Variants in R3HDM4 observed in about 807,000 individuals in gnomAD.
The protein encoded by R3HDM4 is R3H domain-containing protein 4.
Under a neutral mutation model 31.3 loss-of-function variants are expected in R3HDM4, and 30 were observed. That is an observed-to-expected ratio of 0.96 (90% CI 0.72 to 1.30). The LOEUF is 1.30. Ranked by LOEUF, R3HDM4 falls within the 50% of genes most tolerant of loss-of-function variation. The pLI is 0.00. For synonymous variants in R3HDM4, 196 were observed against 156.6 expected, an observed-to-expected ratio of 1.25 and a Z score of -1.88; for missense variants, 444 against 366.1, an observed-to-expected ratio of 1.21 and a Z score of -1.74.
At position 902,017 on chromosome 19, in the gene R3HDM4, G is replaced by T; in HGVS notation, c.185C>A (p.Pro62His). The change falls in exon 2 of 8, where the codon CCC becomes CAC. Residue 62 changes from proline (P) to histidine (H), a missense_variant. Pro to His is a moderately conservative substitution (Grantham distance 77). Transcript: ENST00000361574. ...NQAVRNSDLVPKAKGRKSLQR... is the reference protein window; with the variant it reads ...NQAVRNSDLVHKAKGRKSLQR... ...GAGGCTCTTCCGCCCCTTGGCCTTGGGCACGAGGTCTGAGTTCCGCACTGC... is the reference window on the plus strand; with the variant it reads ...GAGGCTCTTCCGCCCCTTGGCCTTGTGCACGAGGTCTGAGTTCCGCACTGC... 6 of 1,613,906 alleles carry T rather than the reference G, an allele frequency of 3.7e-6. No individual in the cohort carries two copies. Among genetic ancestry groups the T allele is most frequent in the Non-Finnish European group, 5.1e-6 (6 of 1,180,010 alleles).
In R3HDM4 at chr19:901,981, T is replaced by C; in HGVS notation, c.221A>G (p.Glu74Gly). 1.9e-6 allele frequency: 3 copies of C among 1,613,692 alleles called. No individual in the cohort carries two copies. The highest frequency in any genetic ancestry group is 2.5e-6 in the Non-Finnish European group (3 of 1,180,004). The change falls in exon 2 of 8, where the codon GAG becomes GGG. Residue 74 changes from glutamate (E) to glycine (G), a missense_variant. Transcript: ENST00000361574. ...GCCTCCCGACCCCTGCTCACTGTTC[T>C]CCAGGCGCTGGAGGCTCTTCCGCCC... is the stretch of plus-strand genomic sequence containing the variant. The part of the protein sequence containing the change: ...AKGRKSLQRL[E>G]NTQYLLTLLE...
intron 7 of R3HDM4, among the ~76,000 whole-genome samples, 197 bp from the exon 8 acceptor site, chr19:897,737 C>T (rs1042086100): frequency 3.9e-5 from 6 of 152,252 alleles, no homozygotes; most frequent in African/African-American, 1.2e-4. Context: ...AGGCTCCCTA[C>T]AGGAGCACTC....
intron 2 of R3HDM4, 136 bp downstream of exon 2, chr19:901,840 C>A: frequency 5.2e-6 from 6 of 1,152,190 alleles, no homozygotes; most frequent in Non-Finnish European, 7.5e-6. Context: ...GGTCCCCCGG[C>A]CTACAGCTGA....
chr19:901,408 G>A lies in R3HDM4; in HGVS notation c.351+14C>T, dbSNP rs775515347. On this transcript the variant is annotated intron_variant, in intron 3 of 7. Coordinates refer to ENST00000361574, the MANE Select transcript of R3HDM4 (RefSeq NM_138774.4). ...GTCCCCGTGTGGAGGGAGTGAGGGG[G>A]TTGGGGGCCACACCTCCACATAGGT... The A allele has an allele frequency of 1.9e-6, 3 of 1,601,214 alleles. No homozygotes were observed. Among genetic ancestry groups the A allele is most frequent in the South Asian group, 2.2e-5 (2 of 90,266 alleles).
At position 900,626 on chromosome 19, in the gene R3HDM4, G is replaced by GC. The variant is rs1489046563; in HGVS notation, c.475+202dup. Among the ~76,000 whole-genome samples, 132 of 74,130 alleles carry GC rather than the reference G, an allele frequency of 1.8e-3. 7 individuals are homozygous for GC. In the South Asian group the frequency reaches 0.033, roughly 19 times the overall value. The allele number at this position is 74,130 out of a possible 152,430, so 48.6% of individuals were successfully genotyped here. A position where few individuals can be genotyped will look rare whatever the true frequency, so the allele number is the denominator to read the frequency against. On this transcript the variant is annotated intron_variant, in intron 4 of 7. Transcript: ENST00000361574. ...CCCGCCCACACCCCATCCATATCCTGCCCCCCATCGCGGCCCCACCCACCC... is the reference window on the plus strand; with the variant it reads ...CCCGCCCACACCCCATCCATATCCTGCCCCCCCATCGCGGCCCCACCCACCC...
At chr19:901,162 G>C in intron 3 of R3HDM4, 1 of 686,320 alleles carries the variant, frequency 1.5e-6, no homozygotes, top group South Asian at 2.0e-5. Flanking sequence ...GGGGTGGGGG[G>C]GATTGAGGTG....
chr19:910,439 A>C (rs906907271), intron 1 of R3HDM4, among the ~76,000 whole-genome samples: 4 of 151,992 alleles, frequency 2.6e-5, no homozygotes, highest in African/African-American at 9.7e-5. Context: ...GCTGTGATCA[A>C]ACCTGGGTGA....
chr19:911,984 A>C (rs1599365167), intron 1 of R3HDM4, among the ~76,000 whole-genome samples: 1 of 143,066 alleles, frequency 7.0e-6, no homozygotes, highest in African/African-American at 2.6e-5. Context: ...ACGTGGGTGA[A>C]CCCCGACCCG....
intron 1 of R3HDM4, among the ~76,000 whole-genome samples, chr19:906,409 T>A (rs1218358010): frequency 6.6e-6 from 1 of 151,742 alleles, no homozygotes; most frequent in Non-Finnish European, 1.5e-5. Flanking sequence ...TTAGTAGAGA[T>A]GGGGTTTACC....
chr19:899,502 G>A lies in R3HDM4; in HGVS notation c.648-7C>T. ...CAGCAGAAGCCTCTCGAAGCTGTGGGGAACGGGCAGTGAGCGCCGTGCAGG... is the reference window on the plus strand; with the variant it reads ...CAGCAGAAGCCTCTCGAAGCTGTGGAGAACGGGCAGTGAGCGCCGTGCAGG... On this transcript the variant is annotated splice_region_variant and splice_polypyrimidine_tract_variant and intron_variant, in intron 6 of 7. Transcript: ENST00000361574. The surrounding 1 kb of genome is among the most constrained non-coding windows in gnomAD (Gnocchi z 6.8). 1 of 1,613,680 alleles carries A rather than the reference G, an allele frequency of 6.2e-7. No individual in the cohort carries two copies. The highest frequency in any genetic ancestry group is 8.5e-7 in the Non-Finnish European group (1 of 1,179,916).
At position 899,730 on chromosome 19, in the gene R3HDM4, G is replaced by A; in HGVS notation, c.562-44C>T. ...TGGTCAGGGAACTGCGGGACCTGTG[G>A]GTGGGGGGCCAGGGAGGTCCAGGGC... On this transcript the variant is annotated intron_variant, in intron 5 of 7. Coordinates refer to ENST00000361574, the MANE Select transcript of R3HDM4 (RefSeq NM_138774.4). This position sits in a 1 kb window ranked among gnomAD's most constrained non-coding sequence, Gnocchi z 6.8. 2 of 1,468,996 alleles carry A rather than the reference G, an allele frequency of 1.4e-6. No individual in the cohort carries two copies. Among genetic ancestry groups the A allele is most frequent in the East Asian group, 2.4e-5 (1 of 42,114 alleles). The allele number at this position is 1,468,996 out of a possible 1,614,324, so 91.0% of individuals were successfully genotyped here.
intron 2 of R3HDM4, 137 bp downstream of exon 2, chr19:901,839 G>A (rs2036841643): frequency 1.0e-6 from 1 of 954,754 alleles, no homozygotes; most frequent in Non-Finnish European, 1.5e-6. Flanking sequence ...TGGTCCCCCG[G>A]CCTACAGCTG....
In R3HDM4 at chr19:896,924, G is replaced by C. The variant is rs983792707; in HGVS notation, c.*513C>G. ...CACATATACAACACAAGATGCTTCT[G>C]GCATGAGGGGCAGGGTCCCAGAGAC... On this transcript the variant is annotated 3_prime_UTR_variant, in exon 8 of 8. Transcript: ENST00000361574. This position sits in a 1 kb window ranked among gnomAD's most constrained non-coding sequence, Gnocchi z 4.0. The C allele has an allele frequency of 6.5e-6, 1 of 154,714 alleles. No homozygotes were observed. Among genetic ancestry groups the C allele is most frequent in the African/African-American group, 2.4e-5 (1 of 41,446 alleles). The allele number at this position is 154,714 out of a possible 1,614,324, so 9.6% of individuals were successfully genotyped here. A position where few individuals can be genotyped will look rare whatever the true frequency, so the allele number is the denominator to read the frequency against.
At position 899,035 on chromosome 19, in the gene R3HDM4, G is replaced by C. The variant is rs1201770955; in HGVS notation, c.703+405C>G. Reference sequence around the variant, plus strand: ...AAAGTGGAGCGCAGGGGCCAGTAGGGGGTCTCGCCTGAGGTCCCACGTGTG... The same window carrying C: ...AAAGTGGAGCGCAGGGGCCAGTAGGCGGTCTCGCCTGAGGTCCCACGTGTG... On this transcript the variant is annotated intron_variant, in intron 7 of 7. Coordinates refer to ENST00000361574, the MANE Select transcript of R3HDM4 (RefSeq NM_138774.4). The surrounding 1 kb of genome is among the most constrained non-coding windows in gnomAD (Gnocchi z 6.8). 6.6e-6 allele frequency among the ~76,000 whole-genome samples: 1 copy of C among 152,128 alleles called. No individual in the cohort carries two copies. The highest frequency in any genetic ancestry group is 1.5e-5 in the Non-Finnish European group (1 of 68,020).
At chr19:908,690 A>C (rs2036935214) in intron 1 of R3HDM4, among the ~76,000 whole-genome samples, 1 of 152,146 alleles carries the variant, frequency 6.6e-6, no homozygotes, top group South Asian at 2.1e-4. Context: ...AAACTCAGGG[A>C]GCCCCGGTCT....
At chr19:905,007 G>C (rs575762652) in intron 1 of R3HDM4, among the ~76,000 whole-genome samples, 1 of 151,948 alleles carries the variant, frequency 6.6e-6, no homozygotes, top group Non-Finnish European at 1.5e-5. Flanking sequence ...AGGAGTTCAA[G>C]ACCACCCTGG....
intron 1 of R3HDM4, among the ~76,000 whole-genome samples, chr19:909,309 G>A (rs1050070707): frequency 6.6e-6 from 1 of 152,134 alleles, no homozygotes; most frequent in African/African-American, 2.4e-5. Context: ...GAGAGGAACC[G>A]ACTTGTGCAT....
At position 900,943 on chromosome 19, in the gene R3HDM4, C is replaced by A. The variant is rs758069443; in HGVS notation, c.361G>T (p.Asp121Tyr). Residue 121 changes from aspartate (D) to tyrosine (Y), a missense_variant, in exon 4 of 8, where the codon GAT becomes TAT. By Grantham distance (160) the Asp-to-Tyr change is radical (BLOSUM62 -3). Coordinates refer to ENST00000361574, the MANE Select transcript of R3HDM4 (RefSeq NM_138774.4). ...TCCTCCCCGGAGCGGTTCATGAAAT[C>A]GTTCCAGACCTGGAAGAGAGGCAGG... The part of the protein sequence containing the change: ...NNATYVEVWN[D>Y]FMNRSGEEQE... The A allele has an allele frequency of 6.3e-7, 1 of 1,598,652 alleles. No homozygotes were observed. Among genetic ancestry groups the A allele is most frequent in the South Asian group, 1.1e-5 (1 of 89,806 alleles).
chr19:897,426 C>T lies in R3HDM4; in HGVS notation c.*11G>A, dbSNP rs764423832. The T allele has an allele frequency of 1.5e-5, 24 of 1,586,744 alleles. No individual in the cohort carries two copies. The highest frequency in any genetic ancestry group is 7.1e-5 in the Admixed American group (4 of 56,088). On this transcript the variant is annotated 3_prime_UTR_variant, in exon 8 of 8. Coordinates refer to ENST00000361574, the MANE Select transcript of R3HDM4 (RefSeq NM_138774.4). ...GGGCGAGGTGGCAGCGGGGTCTCCGCGGGGCCGCCATCAGCTGTGCTGCTC... is the reference window on the plus strand; with the variant it reads ...GGGCGAGGTGGCAGCGGGGTCTCCGTGGGGCCGCCATCAGCTGTGCTGCTC...
Sources: allele counts gnomAD v4.1 joint callset (sites outside exome capture counted in the v4.1 genomes callset), GRCh38; gene constraint gnomAD v4.1.1; non-coding constraint Gnocchi (gnomAD v3.1); transcripts MANE v1.5; gene names NCBI Gene and HGNC (gene_info 2026-07-23, HGNC 2026-07-21).